The following PCDHGA3 variants were observed in gnomAD, a reference collection of about 807,000 sequenced individuals.
The protein encoded by PCDHGA3 is protocadherin gamma subfamily A, 3.
A neutral mutation model predicts 58.5 loss-of-function variants in PCDHGA3; 40 were observed. That is an observed-to-expected ratio of 0.68 (90% CI 0.53 to 0.89). The LOEUF (loss-of-function observed/expected upper bound fraction) is 0.89, where lower values mean the gene tolerates loss of function less well. PCDHGA3 is among the 40% of genes least tolerant of loss of function. The pLI is 0.00. For synonymous variants in PCDHGA3, 530 were observed against 525.7 expected (o/e 1.01, Z -0.11); for missense variants, 1,223 against 1,195.9 (o/e 1.02, Z -0.33).
chr5:141,493,440 G>A lies in PCDHGA3; in HGVS notation c.2425-1367G>A, dbSNP rs2099748297. The stretch of plus-strand genomic sequence containing the variant: ...TTTTGCTTCTGCTGGGATGGGGCAA[G>A]GGTGGGGTTCCTTCCCTTTTAGGAC... On this transcript the variant is annotated intron_variant, in intron 1 of 3. Coordinates refer to ENST00000253812, the MANE Select transcript of PCDHGA3 (RefSeq NM_018916.4). The surrounding 1 kb of genome is among the most constrained non-coding windows in gnomAD (Gnocchi z 4.3). Among the ~76,000 whole-genome samples, 1 of 152,208 alleles carries A rather than the reference G, an allele frequency of 6.6e-6. No homozygotes were observed. Among genetic ancestry groups the A allele is most frequent in the African/African-American group, 2.4e-5 (1 of 41,450 alleles).
intron 1 of PCDHGA3, chr5:141,400,460 G>GTGAT (rs760132234): frequency 6.2e-7 from 1 of 1,613,938 alleles, no homozygotes. Context: ...ATACTTTGTG[G>GTGAT]TGATTCATCT....
chr5:141,406,877 A>T (rs4912750), intron 1 of PCDHGA3, among the ~76,000 whole-genome samples: 9,155 of 152,322 alleles, frequency 0.06, 381 homozygotes, highest in Non-Finnish European at 0.089. Flanking sequence ...ACTGCTGGGA[A>T]GATTCTAAAA....
chr5:141,375,490 C>T (rs752487734), intron 1 of PCDHGA3: 1 of 1,614,012 alleles, frequency 6.2e-7, no homozygotes, highest in East Asian at 2.2e-5. Context: ...CCAGGGGTGC[C>T]TCCATCTTCT....
At chr5:141,363,138 T>C (rs1359700757) in intron 1 of PCDHGA3, among the ~76,000 whole-genome samples, 1 of 152,214 alleles carries the variant, frequency 6.6e-6, no homozygotes, top group Non-Finnish European at 1.5e-5. Flanking sequence ...AAAGAGTGCA[T>C]TTAACAAATG....
intron 1 of PCDHGA3, among the ~76,000 whole-genome samples, chr5:141,447,747 C>A (rs1164160677): frequency 2.0e-5 from 3 of 152,106 alleles, no homozygotes; most frequent in Non-Finnish European, 4.4e-5. Flanking sequence ...AAGAGTCTTG[C>A]ATGTGACTGT....
intron 1 of PCDHGA3, among the ~76,000 whole-genome samples, chr5:141,364,051 A>G (rs1322889725): frequency 6.6e-6 from 1 of 152,262 alleles, no homozygotes; most frequent in African/African-American, 2.4e-5. Flanking sequence ...ATTATTAGAA[A>G]TAAAATTATA....
intron 1 of PCDHGA3, chr5:141,366,141 T>A: frequency 6.2e-7 from 1 of 1,614,170 alleles, no homozygotes; most frequent in Non-Finnish European, 8.5e-7. Flanking sequence ...AACGCCTGGC[T>A]GTCCTACCGC....
intron 1 of PCDHGA3, chr5:141,360,820 C>T: frequency 6.2e-7 from 1 of 1,613,944 alleles, no homozygotes; most frequent in Middle Eastern, 1.6e-4. Context: ...GACCCAAATC[C>T]GAATCAAAGT....
At position 141,423,043 on chromosome 5, in the gene PCDHGA3, T is replaced by C. The variant is rs940921497; in HGVS notation, c.2425-71764T>C. 10 of 1,614,058 alleles carry C rather than the reference T, an allele frequency of 6.2e-6. No homozygotes were observed. The Admixed American group carries it at 1.5e-4, about 24-fold the overall frequency. ...AGATTCAGGCCAGAACGCCTGGCTG[T>C]CCTATCGCCTGCTTAAGGCCAGCGA... is the stretch of plus-strand genomic sequence containing the variant. On this transcript the variant is annotated intron_variant, in intron 1 of 3. Transcript: ENST00000253812.
intron 2 of PCDHGA3, among the ~76,000 whole-genome samples, chr5:141,501,956 A>G (rs527567012): frequency 6.6e-6 from 1 of 152,136 alleles, no homozygotes; most frequent in Non-Finnish European, 1.5e-5. Context: ...GTGACAGGTC[A>G]TCCTCCTAAC....
Position 141,477,553 on chromosome 5 carries a change from A to G in PCDHGA3, c.2425-17254A>G. ...TCCCCGGGGCTCCAATACTAAACCTAAGTGTCTGGGACCCCGACGCCCCGC... is the reference window on the plus strand; with the variant it reads ...TCCCCGGGGCTCCAATACTAAACCTGAGTGTCTGGGACCCCGACGCCCCGC... On this transcript the variant is annotated intron_variant, in intron 1 of 3. Transcript: ENST00000253812. This position sits in a 1 kb window ranked among gnomAD's most constrained non-coding sequence, Gnocchi z 4.9. 5 of 1,614,090 alleles carry G rather than the reference A, an allele frequency of 3.1e-6. No individual in the cohort carries two copies. The highest frequency in any genetic ancestry group is 4.2e-6 in the Non-Finnish European group (5 of 1,180,020).
At chr5:141,481,718 C>T (rs942120251) in intron 1 of PCDHGA3, among the ~76,000 whole-genome samples, 6 of 152,082 alleles carry the variant, frequency 3.9e-5, no homozygotes, top group East Asian at 1.9e-4. Context: ...CTTTGGGAGG[C>T]GGAGGCGGGC....
At chr5:141,405,145 G>A (rs772542898) in intron 1 of PCDHGA3, 4 of 1,613,952 alleles carry the variant, frequency 2.5e-6, no homozygotes, top group African/African-American at 2.7e-5. Context: ...CCAGTGATGG[G>A]TTGGCTGGTG....
At chr5:141,434,952 C>T (rs1362599956) in intron 1 of PCDHGA3, among the ~76,000 whole-genome samples, 2 of 151,756 alleles carry the variant, frequency 1.3e-5, no homozygotes, top group East Asian at 3.9e-4. Flanking sequence ...AATTTATTAA[C>T]AATTTATAAA....
At chr5:141,366,046 C>T in intron 1 of PCDHGA3, 1 of 1,614,240 alleles carries the variant, frequency 6.2e-7, no homozygotes, top group Non-Finnish European at 8.5e-7. Context: ...CAGACGGTTC[C>T]ACGGGCGTGG....
At chr5:141,409,030 GAT>G in intron 1 of PCDHGA3, 1 of 1,614,010 alleles carries the variant, frequency 6.2e-7, no homozygotes, top group Non-Finnish European at 8.5e-7. Context: ...TCAATGCTGA[GAT>G]AAACTACTAC....
Position 141,490,156 on chromosome 5 carries a change from G to T in PCDHGA3, c.2425-4651G>T. On this transcript the variant is annotated intron_variant, in intron 1 of 3. Coordinates refer to ENST00000253812, the MANE Select transcript of PCDHGA3 (RefSeq NM_018916.4). The surrounding 1 kb of genome is among the most constrained non-coding windows in gnomAD (Gnocchi z 5.4). ...TAGCAGTGGGGCAATCCATGTGTTG[G>T]GTCCCATAGACTTTGAGGAGTCACG... is the stretch of plus-strand genomic sequence containing the variant. 3.1e-6 allele frequency: 5 copies of T among 1,614,192 alleles called. No individual in the cohort carries two copies. Among genetic ancestry groups the T allele is most frequent in the Non-Finnish European group, 4.2e-6 (5 of 1,180,034 alleles).
chr5:141,352,219 C>G (rs557328770), intron 1 of PCDHGA3: 282 of 1,613,688 alleles, frequency 1.7e-4, no homozygotes, highest in East Asian at 2.9e-4. Context: ...TCTCCGCCAC[C>G]GCCACGCTGC....
In PCDHGA3 at chr5:141,357,543, C is replaced by G. The variant is rs376070202; in HGVS notation, c.2424+11086C>G. On this transcript the variant is annotated intron_variant, in intron 1 of 3. Transcript: ENST00000253812. ...CCAGCTATGCAGACACGCTCATCAG[C>G]CGGGAGAGTTGTGAGAAAAGCGAGC... is the stretch of plus-strand genomic sequence containing the variant. 15 of 1,614,066 alleles carry G rather than the reference C, an allele frequency of 9.3e-6. No individual in the cohort carries two copies. In the African/African-American group the frequency reaches 2.0e-4, roughly 22 times the overall value.
Sources: gnomAD v4.1 joint callset for allele counts (sites outside exome capture counted in the v4.1 genomes callset) on GRCh38, gnomAD v4.1.1 for gene constraint, Gnocchi (gnomAD v3.1) non-coding constraint, MANE v1.5 for transcripts, NCBI Gene and HGNC (gene_info 2026-07-23, HGNC 2026-07-21) for gene names.